RSBN1L: variants seen among roughly 807,000 people sequenced by gnomAD.
The protein encoded by RSBN1L is round spermatid basic protein 1 like.
A neutral mutation model predicts 67.7 loss-of-function variants in RSBN1L; 30 were observed. That is an observed-to-expected ratio of 0.44 (90% CI 0.33 to 0.60). RSBN1L has a LOEUF of 0.60. RSBN1L is among the 20% of genes least tolerant of loss of function. The pLI, the probability that RSBN1L is intolerant of heterozygous loss-of-function variation, is 0.02. For synonymous variants in RSBN1L, 433 were observed against 387.0 expected, an observed-to-expected ratio of 1.12 and a Z score of -1.39; for missense variants, 992 against 1,031.7, an observed-to-expected ratio of 0.96 and a Z score of 0.53.
At chr7:77,765,449 G>T (rs765315278) in intron 3 of RSBN1L, 46 bp from the exon 4 acceptor site, 4 of 1,413,200 alleles carry the variant, frequency 2.8e-6, no homozygotes, top group Non-Finnish European at 3.8e-6. Flanking sequence ...TATTCTTCAG[G>T]TAAAAAGAAC....
intron 6 of RSBN1L, among the ~76,000 whole-genome samples, chr7:77,777,056 G>GA (rs1554343724): frequency 1.1e-4 from 16 of 146,392 alleles, no homozygotes; most frequent in Non-Finnish European, 2.4e-4. Flanking sequence ...AGCTCTGTGG[G>GA]TTTTTTTTTT....
rs113700180 is a variant in RSBN1L, at chr7:77,781,999, A to T, written c.*2831A>T. The T allele has an allele frequency of 6.7e-6, 1 of 148,872 alleles. No individual in the cohort carries two copies. Among genetic ancestry groups the T allele is most frequent in the Non-Finnish European group, 1.5e-5 (1 of 67,276 alleles). The allele number at this position is 148,872 out of a possible 1,614,324, so 9.2% of individuals were successfully genotyped here. ...AAAAAAAAAAAAAAAAAAAGCATAC[A>T]TCTCTGAAGGTAAAGTATAAATCAG... On this transcript the variant is annotated 3_prime_UTR_variant, in exon 8 of 8. Coordinates refer to ENST00000334955, the MANE Select transcript of RSBN1L (RefSeq NM_198467.3).
intron 1 of RSBN1L, 68 bp from the exon 2 acceptor site, chr7:77,736,342 A>G (rs902848139): frequency 2.8e-6 from 2 of 723,628 alleles, no homozygotes; most frequent in Admixed American, 5.0e-5. Context: ...AAATTTACCT[A>G]TAGTTTGTGC....
intron 3 of RSBN1L, among the ~76,000 whole-genome samples, chr7:77,756,424 C>A (rs1192478006): frequency 6.6e-6 from 1 of 152,078 alleles, no homozygotes; most frequent in African/African-American, 2.4e-5. Context: ...TGAGCCACCC[C>A]GGCCTGACCT....
At chr7:77,697,806 G>A (rs867954056) in intron 1 of RSBN1L, among the ~76,000 whole-genome samples, 14 of 152,302 alleles carry the variant, frequency 9.2e-5, no homozygotes, top group Middle Eastern at 6.8e-3. Flanking sequence ...TTAGAAAAAG[G>A]CGAATTCTTA....
At chr7:77,705,961 T>C (rs566710898) in intron 1 of RSBN1L, among the ~76,000 whole-genome samples, 4 of 152,222 alleles carry the variant, frequency 2.6e-5, no homozygotes, top group Admixed American at 1.3e-4. Flanking sequence ...AGTGCTGTGA[T>C]GTGATCTTGG....
At chr7:77,706,334 C>T (rs1470098224) in intron 1 of RSBN1L, among the ~76,000 whole-genome samples, 2 of 152,082 alleles carry the variant, frequency 1.3e-5, no homozygotes, top group African/African-American at 4.8e-5. Flanking sequence ...CCTTGGCCTC[C>T]CAAAGCTCTG....
chr7:77,727,096 T>A (rs555343838), intron 1 of RSBN1L, among the ~76,000 whole-genome samples: 1 of 149,768 alleles, frequency 6.7e-6, no homozygotes, highest in Admixed American at 6.7e-5. Flanking sequence ...CTGCTTTTTT[T>A]TTTTTTTTGA....
intron 1 of RSBN1L, among the ~76,000 whole-genome samples, chr7:77,703,290 G>C (rs118086664): frequency 0.019 from 2,812 of 151,974 alleles, 38 homozygotes; most frequent in Middle Eastern, 0.071. Flanking sequence ...TCTGATTTCT[G>C]AGCTTTTCTG....
intron 3 of RSBN1L, chr7:77,759,829 A>G (rs1424757670): frequency 6.6e-6 from 1 of 152,238 alleles, no homozygotes; most frequent in Non-Finnish European, 1.5e-5. Flanking sequence ...AAAATAGTGT[A>G]ATGCTGGACC....
intron 1 of RSBN1L, among the ~76,000 whole-genome samples, chr7:77,734,146 A>G (rs555732337): frequency 2.6e-5 from 4 of 152,118 alleles, no homozygotes; most frequent in Non-Finnish European, 5.9e-5. Context: ...AAAAAAGTTT[A>G]TGGTTATTTT....
At chr7:77,738,470 T>C (rs1190246777) in intron 2 of RSBN1L, among the ~76,000 whole-genome samples, 1 of 152,178 alleles carries the variant, frequency 6.6e-6, no homozygotes, top group African/African-American at 2.4e-5. Flanking sequence ...AGGGAAAATG[T>C]ATTCACAGTG....
At chr7:77,768,958 T>C (rs1038250228) in intron 5 of RSBN1L, among the ~76,000 whole-genome samples, 155 bp downstream of exon 5, 3 of 152,198 alleles carry the variant, frequency 2.0e-5, no homozygotes, top group Non-Finnish European at 2.9e-5. Context: ...CAATTTGTTA[T>C]AAAACCTAAA....
intron 2 of RSBN1L, among the ~76,000 whole-genome samples, chr7:77,743,189 G>A (rs1015343618): frequency 6.6e-6 from 1 of 152,096 alleles, no homozygotes; most frequent in South Asian, 2.1e-4. Context: ...GAGTAGCTGG[G>A]AATACAGGTA....
At chr7:77,718,708 C>A (rs578020581) in intron 1 of RSBN1L, among the ~76,000 whole-genome samples, 1 of 152,158 alleles carries the variant, frequency 6.6e-6, no homozygotes, top group Non-Finnish European at 1.5e-5. Flanking sequence ...TTTGTGAAGG[C>A]TGAATTATCT....
intron 3 of RSBN1L, among the ~76,000 whole-genome samples, chr7:77,758,303 A>G (rs1430783378): frequency 6.6e-6 from 1 of 152,170 alleles, no homozygotes; most frequent in Non-Finnish European, 1.5e-5. Flanking sequence ...GGCATGTGCC[A>G]CCTTGGCCTC....
intron 2 of RSBN1L, among the ~76,000 whole-genome samples, chr7:77,744,371 C>A (rs1222113496): frequency 6.7e-6 from 1 of 150,276 alleles, no homozygotes. Context: ...TAATTTTGTC[C>A]TTAAGATACT....
At chr7:77,749,396 G>T in intron 2 of RSBN1L, 28 bp from the exon 3 acceptor site, 2 of 1,467,080 alleles carry the variant, frequency 1.4e-6, no homozygotes, top group Admixed American at 2.6e-5. Flanking sequence ...TTAAAATATG[G>T]AGTTTCAAAA....
In RSBN1L at chr7:77,781,995, A is replaced by T. The variant is rs940900301; in HGVS notation, c.*2827A>T. On this transcript the variant is annotated 3_prime_UTR_variant, in exon 8 of 8. Coordinates refer to ENST00000334955, the MANE Select transcript of RSBN1L (RefSeq NM_198467.3). ...CTCAAAAAAAAAAAAAAAAAAAAGC[A>T]TACATCTCTGAAGGTAAAGTATAAA... is the stretch of plus-strand genomic sequence containing the variant. 2 of 146,830 alleles carry T rather than the reference A, an allele frequency of 1.4e-5. No individual in the cohort carries two copies. Among genetic ancestry groups the T allele is most frequent in the African/African-American group, 5.1e-5 (2 of 39,304 alleles). The allele number at this position is 146,830 out of a possible 1,614,324, so 9.1% of individuals were successfully genotyped here. A position where few individuals can be genotyped will look rare whatever the true frequency, so the allele number is the denominator to read the frequency against.
Sources: gnomAD v4.1 joint callset for allele counts (sites outside exome capture counted in the v4.1 genomes callset) on GRCh38, gnomAD v4.1.1 for gene constraint, MANE v1.5 for transcripts, NCBI Gene and HGNC (gene_info 2026-07-23, HGNC 2026-07-21) for gene names.